Variants in LSAMP observed in about 807,000 individuals in gnomAD.
LSAMP encodes the protein limbic system-associated membrane protein.
LSAMP carries 7 observed loss-of-function variants against 38.6 expected under a neutral mutation model. The ratio of observed to expected loss-of-function variants is 0.18; its 90% CI spans 0.10 to 0.34. The LOEUF is 0.34. Among genes scored for constraint, LSAMP ranks in the 10% least tolerant of loss-of-function variants. The probability of loss-of-function intolerance (pLI) is 1.00; values close to 1 mark genes in which losing one functional copy is unlikely to be tolerated. For missense variants in LSAMP, 313 were observed against 420.0 expected, an observed-to-expected ratio of 0.75 and a Z score of 2.23; for synonymous variants, 154 against 166.8, an observed-to-expected ratio of 0.92 and a Z score of 0.59.
At chr3:116,347,254 T>C (rs1182112497) in intron 1 of LSAMP, among the ~76,000 whole-genome samples, 2 of 152,210 alleles carry the variant, frequency 1.3e-5, no homozygotes. Context: ...AGGGCCAACC[T>C]TTTGCTTGTG....
At chr3:116,401,159 T>C (rs921429394) in intron 1 of LSAMP, among the ~76,000 whole-genome samples, 3 of 152,208 alleles carry the variant, frequency 2.0e-5, no homozygotes, top group Middle Eastern at 3.2e-3. Context: ...TACTTTACCA[T>C]GTGCTGAATA....
intron 1 of LSAMP, among the ~76,000 whole-genome samples, chr3:116,271,320 A>T (rs914374332): frequency 6.6e-6 from 1 of 152,100 alleles, no homozygotes; most frequent in Non-Finnish European, 1.5e-5. Flanking sequence ...ATGAAAGTCC[A>T]GCTTCTCTTG....
intron 1 of LSAMP, among the ~76,000 whole-genome samples, chr3:116,268,699 C>T (rs200221334): frequency 7.1e-5 from 2 of 28,260 alleles, no homozygotes; most frequent in Non-Finnish European, 7.8e-4. Context: ...TTCTATTTTT[C>T]TTTCTTTCTT....
intron 1 of LSAMP, among the ~76,000 whole-genome samples, chr3:116,272,943 T>G (rs1274692850): frequency 6.6e-6 from 1 of 152,148 alleles, no homozygotes; most frequent in Non-Finnish European, 1.5e-5. Flanking sequence ...CAGAGTCAGG[T>G]AAATTATTTC....
At chr3:116,430,737 T>C (rs2049269411) in intron 1 of LSAMP, among the ~76,000 whole-genome samples, 1 of 151,994 alleles carries the variant, frequency 6.6e-6, no homozygotes, top group South Asian at 2.1e-4. Flanking sequence ...ATAAATAATT[T>C]ATCAATGTTT....
intron 1 of LSAMP, among the ~76,000 whole-genome samples, chr3:116,136,824 T>C (rs557575416): frequency 6.6e-6 from 1 of 152,236 alleles, no homozygotes; most frequent in East Asian, 1.9e-4. Context: ...AAGAATATCA[T>C]AATGTCAAAG....
At chr3:116,230,228 CTT>C (rs375110846) in intron 1 of LSAMP, among the ~76,000 whole-genome samples, 1 of 145,964 alleles carries the variant, frequency 6.9e-6, no homozygotes, top group African/African-American at 2.5e-5. Context: ...GGGTAGAATA[CTT>C]TTTTTTTTTG....
intron 3 of LSAMP, among the ~76,000 whole-genome samples, chr3:115,861,514 C>A (rs982673082): frequency 1.5e-4 from 19 of 123,332 alleles, no homozygotes; most frequent in Non-Finnish European, 2.8e-4. Flanking sequence ...GTGGCACTGT[C>A]CCCCTGGCGG....
intron 3 of LSAMP, among the ~76,000 whole-genome samples, chr3:115,930,026 T>TTTTTTG (rs67834255): frequency 1.4e-5 from 2 of 142,992 alleles, no homozygotes; most frequent in Admixed American, 6.9e-5. Context: ...TTTTTTTTTT[T>TTTTTTG]GACACAGCAG....
chr3:116,219,116 C>G (rs533796210), intron 1 of LSAMP, among the ~76,000 whole-genome samples: 1 of 152,142 alleles, frequency 6.6e-6, no homozygotes, highest in Non-Finnish European at 1.5e-5. Flanking sequence ...TCCCCATTTT[C>G]CCCTGCTTCT....
intron 3 of LSAMP, among the ~76,000 whole-genome samples, chr3:115,953,404 TACACACACACACACACACACACACAC>T (rs71616336): frequency 7.0e-6 from 1 of 143,594 alleles, no homozygotes; most frequent in Non-Finnish European, 1.5e-5. Context: ...GTAGTGTGCG[TACACACACACACACACACACACACAC>T]ACACACACAC....
intron 1 of LSAMP, among the ~76,000 whole-genome samples, chr3:116,130,718 A>G (rs116659054): frequency 0.039 from 5,984 of 152,302 alleles, 177 homozygotes; most frequent in Middle Eastern, 0.11. Flanking sequence ...AAAATAAAGT[A>G]TAGAAAGTAC....
chr3:116,179,000 A>G (rs892157032), intron 1 of LSAMP, among the ~76,000 whole-genome samples: 6 of 150,718 alleles, frequency 4.0e-5, no homozygotes, highest in Non-Finnish European at 7.4e-5. Flanking sequence ...CTGCCTCTGC[A>G]ATGGTCTCAG....
chr3:116,279,201 C>A (rs149046190), intron 1 of LSAMP, among the ~76,000 whole-genome samples: 1 of 152,108 alleles, frequency 6.6e-6, no homozygotes, highest in African/African-American at 2.4e-5. Flanking sequence ...AGTGAGAGAG[C>A]CTTCTGTCTT....
In LSAMP at chr3:115,842,469, C is replaced by G. The variant is rs539691473; in HGVS notation, c.759G>C (p.Arg253=). The stretch of plus-strand genomic sequence containing the variant: ...GGTTTGGCACATACCTAGTGTCATC[C>G]CGGTACCACTCAAAGTCAGGTGCAG... The part of the protein sequence containing the change: ...AVPAPDFEWY[R]DDTRINSANG... Residue 253 remains arginine, a synonymous_variant, in exon 5 of 7, where the codon CGG becomes CGC. Coordinates refer to ENST00000490035, the MANE Select transcript of LSAMP (RefSeq NM_002338.5). 11 of 1,613,776 alleles carry G rather than the reference C, an allele frequency of 6.8e-6. No individual in the cohort carries two copies. The Admixed American group carries it at 1.5e-4, about 22-fold the overall frequency.
intron 3 of LSAMP, among the ~76,000 whole-genome samples, chr3:115,895,088 T>C (rs543137932): frequency 5.8e-4 from 89 of 152,166 alleles, no homozygotes; most frequent in African/African-American, 2.0e-3. Context: ...GTTAAAAAAT[T>C]CTTGCTATGC....
At chr3:115,996,770 T>C (rs1939826886) in intron 3 of LSAMP, among the ~76,000 whole-genome samples, 1 of 152,132 alleles carries the variant, frequency 6.6e-6, no homozygotes, top group Non-Finnish European at 1.5e-5. Context: ...GAAAGGTCAT[T>C]TCCTCCCCTC....
At chr3:116,159,093 A>G (rs1709823741) in intron 1 of LSAMP, among the ~76,000 whole-genome samples, 1 of 152,176 alleles carries the variant, frequency 6.6e-6, no homozygotes, top group Non-Finnish European at 1.5e-5. Context: ...TACACCATAT[A>G]CAAAAATCAA....
chr3:116,018,092 T>C (rs945200563), intron 3 of LSAMP, among the ~76,000 whole-genome samples: 6 of 152,124 alleles, frequency 3.9e-5, no homozygotes, highest in African/African-American at 1.4e-4. Context: ...ATAAAATAAG[T>C]ATGCGAGTCA....
Sources: gnomAD v4.1 joint callset for allele counts (sites outside exome capture counted in the v4.1 genomes callset) on GRCh38, gnomAD v4.1.1 for gene constraint, MANE v1.5 for transcripts, NCBI Gene and HGNC (gene_info 2026-07-23, HGNC 2026-07-21) for gene names.